The following MAP2K2 variants were observed in gnomAD, a reference collection of about 807,000 sequenced individuals.
MAP2K2 encodes mitogen-activated protein kinase kinase 2.
A neutral mutation model predicts 43.7 loss-of-function variants in MAP2K2; 24 were observed. The ratio of observed to expected loss-of-function variants is 0.55; its 90% CI spans 0.40 to 0.77. The LOEUF (loss-of-function observed/expected upper bound fraction) is 0.77. Among genes scored for constraint, MAP2K2 ranks in the 30% least tolerant of loss-of-function variants. The pLI, the probability that MAP2K2 is intolerant of heterozygous loss-of-function variation, is 0.00. For synonymous variants in MAP2K2, 244 were observed against 239.7 expected (o/e 1.02, Z -0.17); for missense variants, 470 against 566.8 (o/e 0.83, Z 1.73).
In MAP2K2 at chr19:4,102,941, G is replaced by A. The variant is rs566953271; in HGVS notation, c.451-488C>T. ...AGGGCGCGGAGGAGACGCGGGTGCT[G>A]CCCCGCGTGGGAGGAGGCGGCGGGT... On this transcript the variant is annotated intron_variant, in intron 3 of 10. Transcript: ENST00000262948. The A allele has an allele frequency of 4.5e-6, 5 of 1,113,106 alleles. No individual in the cohort carries two copies. In the African/African-American group the frequency reaches 8.2e-5, roughly 18 times the overall value. 69.0% of individuals were successfully genotyped at this position (1,113,106 alleles called of 1,614,324 possible).
chr19:4,117,511 C>G lies in MAP2K2; in HGVS notation c.211G>C (p.Asp71His), dbSNP rs2145080255. The stretch of plus-strand genomic sequence containing the variant: ...CCCAGCTCTGAGATCCTTTCGAAGT[C>G]ATCGTCTTTGAGTTCGCCGACCTTG... ...KAKVGELKDDDFERISELGAG... is the reference protein window; with the variant it reads ...KAKVGELKDDHFERISELGAG... Residue 71 changes from aspartate (D) to histidine (H), a missense_variant, in exon 2 of 11, where the codon GAC becomes CAC. Transcript: ENST00000262948. 6.2e-7 allele frequency: 1 copy of G among 1,614,216 alleles called. No individual in the cohort carries two copies. The highest frequency in any genetic ancestry group is 2.2e-5 in the East Asian group (1 of 44,890).
Position 4,090,715 on chromosome 19 carries a change from G to A in MAP2K2, c.1093-7C>T. On this transcript the variant is annotated splice_region_variant and splice_polypyrimidine_tract_variant and intron_variant, in intron 10 of 10. Transcript: ENST00000262948. ...GCTTGATGAAGGTGTGGTTCTGCAAGGAAAGGGGAGCCGTGAGCACCCGGG... is the reference window on the plus strand; with the variant it reads ...GCTTGATGAAGGTGTGGTTCTGCAAAGAAAGGGGAGCCGTGAGCACCCGGG... 7 of 1,548,928 alleles carry A rather than the reference G, an allele frequency of 4.5e-6. No individual in the cohort carries two copies. Among genetic ancestry groups the A allele is most frequent in the South Asian group, 1.2e-5 (1 of 84,196 alleles).
chr19:4,110,688 G>GGGT, intron 2 of MAP2K2, 33 bp from the exon 3 acceptor site: 1 of 1,601,262 alleles, frequency 6.2e-7, no homozygotes, highest in Non-Finnish European at 8.5e-7. Context: ...CTGGCTTGGG[G>GGGT]GGTGCCCGAA....
chr19:4,114,775 C>A (rs888989684), intron 2 of MAP2K2, among the ~76,000 whole-genome samples: 3 of 151,978 alleles, frequency 2.0e-5, no homozygotes, highest in Admixed American at 2.0e-4. Flanking sequence ...ATGGTGAAAC[C>A]CCGTCTCTAC....
chr19:4,123,594 CTCCCCCG>C (rs2041330264), intron 1 of MAP2K2, among the ~76,000 whole-genome samples, 183 bp downstream of exon 1: 2 of 140,810 alleles, frequency 1.4e-5, no homozygotes, highest in African/African-American at 5.6e-5. Context: ...CTGCCCCGTC[CTCCCCCG>C]AGGGTCCCCT....
chr19:4,109,176 G>A (rs1159571129), intron 3 of MAP2K2, among the ~76,000 whole-genome samples: 1 of 152,232 alleles, frequency 6.6e-6, no homozygotes, highest in African/African-American at 2.4e-5. Context: ...TACCTGATGA[G>A]CTCGGTGTGG....
intron 2 of MAP2K2, among the ~76,000 whole-genome samples, chr19:4,113,269 A>G (rs1001343156): frequency 2.0e-5 from 3 of 152,174 alleles, no homozygotes; most frequent in Admixed American, 1.3e-4. Flanking sequence ...AGTAAATAGC[A>G]GAGGCGAGGG....
chr19:4,119,649 G>T (rs1025871718), intron 1 of MAP2K2, among the ~76,000 whole-genome samples: 2 of 152,202 alleles, frequency 1.3e-5, no homozygotes, highest in Non-Finnish European at 2.9e-5. Flanking sequence ...AATCTACAAT[G>T]GCATTATTGC....
chr19:4,091,618 G>A (rs58495737), intron 10 of MAP2K2, among the ~76,000 whole-genome samples: 2,327 of 151,888 alleles, frequency 0.015, 55 homozygotes, highest in African/African-American at 0.054. Context: ...TTCCCGAAGT[G>A]CTGGGATTAT....
chr19:4,113,785 G>A (rs2041185466), intron 2 of MAP2K2, among the ~76,000 whole-genome samples: 2 of 152,152 alleles, frequency 1.3e-5, no homozygotes, highest in Admixed American at 1.3e-4. Context: ...TTCGGAGTAG[G>A]AAAAGAGAGG....
chr19:4,091,376 G>T (rs563266571), intron 10 of MAP2K2, among the ~76,000 whole-genome samples: 2 of 151,208 alleles, frequency 1.3e-5, no homozygotes, highest in Non-Finnish European at 2.9e-5. Flanking sequence ...TTTTTAGATG[G>T]AGTTTCACTC....
Position 4,090,389 on chromosome 19 carries a change from G to C in MAP2K2, c.*209C>G. The stretch of plus-strand genomic sequence containing the variant: ...AGAGCCTCTGAGACCACACACAGCA[G>C]CGTCGCCCGTCCCCAGAGGCACCCC... On this transcript the variant is annotated 3_prime_UTR_variant, in exon 11 of 11. Coordinates refer to ENST00000262948, the MANE Select transcript of MAP2K2 (RefSeq NM_030662.4). 1 of 619,886 alleles carries C rather than the reference G, an allele frequency of 1.6e-6. No individual in the cohort carries two copies. The highest frequency in any genetic ancestry group is 2.9e-6 in the Non-Finnish European group (1 of 344,048). The allele number at this position is 619,886 out of a possible 1,614,324, so 38.4% of individuals were successfully genotyped here. A position where few individuals can be genotyped will look rare whatever the true frequency, so the allele number is the denominator to read the frequency against.
At chr19:4,107,600 G>A (rs2041100965) in intron 3 of MAP2K2, among the ~76,000 whole-genome samples, 1 of 151,572 alleles carries the variant, frequency 6.6e-6, no homozygotes, top group Non-Finnish European at 1.5e-5. Flanking sequence ...CCGGCTACCT[G>A]GAAGGTTGAG....
intron 6 of MAP2K2, chr19:4,099,667 G>A: frequency 1.8e-6 from 1 of 543,176 alleles, no homozygotes; most frequent in Non-Finnish European, 3.3e-6. Context: ...GCAATGCTCA[G>A]CACTTTTGGG....
chr19:4,121,655 C>A (rs1599310705), intron 1 of MAP2K2, among the ~76,000 whole-genome samples: 1 of 101,552 alleles, frequency 9.8e-6, no homozygotes. Context: ...ACCCCCCCCA[C>A]AACATGAACC....
In MAP2K2 at chr19:4,117,439, C is replaced by T. The variant is rs2145079754; in HGVS notation, c.283G>A (p.Gly95Ser). The T allele has an allele frequency of 6.2e-7, 1 of 1,613,626 alleles. No homozygotes were observed. The highest frequency in any genetic ancestry group is 1.1e-5 in the South Asian group (1 of 91,070). Residue 95 changes from glycine to serine, a missense_variant, in exon 2 of 11, where the codon GGC (glycine) becomes AGC (serine). Physicochemically the swap from Gly to Ser is moderately conservative, Grantham distance 56. Coordinates refer to ENST00000262948, the MANE Select transcript of MAP2K2 (RefSeq NM_030662.4). ...CTCACCTTCCTGGCCATGATGAGGCCCGAGGGTCTGTGCTGGACTTTGGTG... is the reference window on the plus strand; with the variant it reads ...CTCACCTTCCTGGCCATGATGAGGCTCGAGGGTCTGTGCTGGACTTTGGTG... ...VVTKVQHRPS[G>S]LIMARKLIHL...
intron 2 of MAP2K2, among the ~76,000 whole-genome samples, chr19:4,112,603 C>T (rs775336625): frequency 1.1e-4 from 17 of 152,138 alleles, no homozygotes; most frequent in African/African-American, 1.9e-4. Flanking sequence ...TCCCCCCGCC[C>T]GGCCGCTCCT....
intron 7 of MAP2K2, 113 bp downstream of exon 7, chr19:4,099,087 AG>A: frequency 3.4e-6 from 3 of 882,626 alleles, no homozygotes; most frequent in Non-Finnish European, 3.5e-6. Flanking sequence ...GGCACCATCC[AG>A]GGGGACAGGT....
intron 3 of MAP2K2, among the ~76,000 whole-genome samples, chr19:4,104,227 T>C (rs1482927379): frequency 1.1e-4 from 16 of 147,118 alleles, no homozygotes; most frequent in Non-Finnish European, 1.5e-4. Flanking sequence ...ATCGTGCCAC[T>C]TCTCTCTCGC....
Sources: gnomAD v4.1 joint callset for allele counts (sites outside exome capture counted in the v4.1 genomes callset) on GRCh38, gnomAD v4.1.1 for gene constraint, MANE v1.5 for transcripts, NCBI Gene and HGNC (gene_info 2026-07-23, HGNC 2026-07-21) for gene names.